The following USH2A variants were observed in gnomAD, a reference collection of about 807,000 sequenced individuals.
USH2A encodes the protein Usher syndrome 2A (autosomal recessive, mild).
USH2A carries 443 observed loss-of-function variants against 538.9 expected under a neutral mutation model. That is an observed-to-expected ratio of 0.82 (90% confidence interval 0.76 to 0.89). USH2A has a LOEUF of 0.89. USH2A is among the 40% of genes least tolerant of loss of function. The probability of loss-of-function intolerance (pLI) is 0.00; values close to 1 mark genes in which losing one functional copy is unlikely to be tolerated. For synonymous variants in USH2A, 2,413 were observed against 2,273.5 expected (o/e 1.06, Z -1.75); for missense variants, 6,633 against 6,324.8 (o/e 1.05, Z -1.65).
intron 11 of USH2A, among the ~76,000 whole-genome samples, chr1:216,259,157 C>T (rs2036316767): frequency 6.6e-6 from 1 of 152,076 alleles, no homozygotes; most frequent in Non-Finnish European, 1.5e-5. Context: ...TTCTTACAAA[C>T]TCCAAAACAT....
chr1:215,889,800 A>G (rs1048987571), intron 40 of USH2A, among the ~76,000 whole-genome samples: 2 of 152,184 alleles, frequency 1.3e-5, no homozygotes, highest in African/African-American at 2.4e-5. Context: ...GGTGTTGTGG[A>G]ACAGCAAATA....
chr1:216,341,835 A>G (rs2038082398), intron 4 of USH2A, among the ~76,000 whole-genome samples: 1 of 152,202 alleles, frequency 6.6e-6, no homozygotes, highest in African/African-American at 2.4e-5. Flanking sequence ...CACCTTACAC[A>G]AAAATTGACT....
chr1:215,673,571 C>T (rs1200080975), intron 63 of USH2A, among the ~76,000 whole-genome samples: 2 of 152,146 alleles, frequency 1.3e-5, no homozygotes, highest in African/African-American at 4.8e-5. Flanking sequence ...TGGCACTGTC[C>T]TGAGAAACCA....
At chr1:215,825,507 T>C (rs1663127358) in intron 47 of USH2A, among the ~76,000 whole-genome samples, 2 of 152,222 alleles carry the variant, frequency 1.3e-5, no homozygotes. Context: ...ATTACTATTC[T>C]TTAACATTTC....
At chr1:216,141,081 G>A (rs1287751532) in intron 21 of USH2A, among the ~76,000 whole-genome samples, 2 of 152,134 alleles carry the variant, frequency 1.3e-5, no homozygotes, top group African/African-American at 2.4e-5. Context: ...TCAAATTACA[G>A]TTTTCATTCT....
intron 47 of USH2A, among the ~76,000 whole-genome samples, chr1:215,824,144 A>G (rs1303620650): frequency 6.6e-6 from 1 of 152,068 alleles, no homozygotes; most frequent in Non-Finnish European, 1.5e-5. Context: ...TCTTTGAATT[A>G]TTTTTAATTC....
At chr1:216,171,978 G>C (rs1042760844) in intron 21 of USH2A, among the ~76,000 whole-genome samples, 1 of 151,954 alleles carries the variant, frequency 6.6e-6, no homozygotes, top group Non-Finnish European at 1.5e-5. Context: ...GAAAAGAAAA[G>C]GAAGCAAAAA....
chr1:216,388,328 T>C (rs962675356), intron 3 of USH2A, among the ~76,000 whole-genome samples: 1 of 152,188 alleles, frequency 6.6e-6, no homozygotes, highest in African/African-American at 2.4e-5. Context: ...AAGCAATACT[T>C]AAGGATCTTC....
intron 47 of USH2A, among the ~76,000 whole-genome samples, chr1:215,834,585 C>T (rs1663421785): frequency 6.6e-6 from 1 of 152,130 alleles, no homozygotes; most frequent in Non-Finnish European, 1.5e-5. Context: ...GATGCTGCTT[C>T]ACATCCTGAT....
At chr1:215,855,194 G>A (rs1664129675) in intron 44 of USH2A, among the ~76,000 whole-genome samples, 1 of 152,084 alleles carries the variant, frequency 6.6e-6, no homozygotes, top group African/African-American at 2.4e-5. Flanking sequence ...AACTGTTGCT[G>A]TTTTCTGATG....
rs12039494 is a variant in USH2A at position 215,737,273 on chromosome 1, G to T, written c.11711+4102C>A. On this transcript the variant is annotated intron_variant, in intron 60 of 71. Coordinates refer to ENST00000307340, the MANE Select transcript of USH2A (RefSeq NM_206933.4). ...TAATGTTAATATATTAAAATTAATA[G>T]TGTTACTTCTATTAGTGAAAATTAC... Among the ~76,000 whole-genome samples, 564 of 152,014 alleles carry T rather than the reference G, an allele frequency of 3.7e-3. 4 individuals are homozygous for T. Among genetic ancestry groups the T allele is most frequent in the East Asian group, 0.024 (122 of 5,182 alleles).
intron 3 of USH2A, among the ~76,000 whole-genome samples, chr1:216,385,616 T>G (rs1389630041): frequency 6.6e-6 from 1 of 152,208 alleles, no homozygotes; most frequent in African/African-American, 2.4e-5. Flanking sequence ...CCAAGCTACC[T>G]CTAGCTTAAA....
Position 215,798,895 on chromosome 1 carries a change from T to C in USH2A, c.9958+12A>G, listed in dbSNP as rs1284209052. ...TCCTCCATCTACTGAAAGGTAGACC[T>C]GGGCCCCTTACCTGGAAGGCGATTG... is the stretch of plus-strand genomic sequence containing the variant. On this transcript the variant is annotated intron_variant, in intron 50 of 71. Transcript: ENST00000307340. 5 of 1,614,036 alleles carry C rather than the reference T, an allele frequency of 3.1e-6. No homozygotes were observed. The South Asian group carries it at 5.5e-5, about 18-fold the overall frequency.
chr1:216,210,172 T>C (rs1030389200), intron 15 of USH2A, among the ~76,000 whole-genome samples: 1 of 152,058 alleles, frequency 6.6e-6, no homozygotes, highest in Admixed American at 6.6e-5. Context: ...CTTTTTTTTT[T>C]TAAATCACAT....
chr1:216,211,689 A>G (rs1269587454), intron 15 of USH2A, among the ~76,000 whole-genome samples: 2 of 152,208 alleles, frequency 1.3e-5, no homozygotes, highest in Admixed American at 1.3e-4. Flanking sequence ...CTATATGCCT[A>G]TTTAGACATA....
chr1:215,880,806 T>G (rs1271676195), intron 41 of USH2A, among the ~76,000 whole-genome samples: 3 of 152,248 alleles, frequency 2.0e-5, no homozygotes, highest in Admixed American at 2.0e-4. Flanking sequence ...GGCAACACTT[T>G]AAACCATTAA....
chr1:216,060,178 C>CA (rs1241967384), intron 30 of USH2A, among the ~76,000 whole-genome samples: 4 of 152,186 alleles, frequency 2.6e-5, no homozygotes, highest in Admixed American at 2.0e-4. Context: ...GGTTCATAAA[C>CA]CTTCCAAAAA....
chr1:216,005,506 T>G (rs1668370882), intron 32 of USH2A, among the ~76,000 whole-genome samples: 1 of 152,164 alleles, frequency 6.6e-6, no homozygotes, highest in South Asian at 2.1e-4. Flanking sequence ...TCGCATAATT[T>G]TACTTGTTGT....
Position 215,888,450 on chromosome 1 carries a change from T to C in USH2A, c.8199A>G (p.Thr2733=), listed in dbSNP as rs749225398. The part of the protein sequence containing the change: ...RPAGVQPPVV[T]VLEPDAVQVT... ...CCTGGACTGCATCGGGTTCCAGCAC[T>C]GTCACCACAGGTGGCTGCACCCCAG... The change falls in exon 41 of 72, where the codon ACA becomes ACG. Residue 2733 remains threonine, a synonymous_variant. Coordinates refer to ENST00000307340, the MANE Select transcript of USH2A (RefSeq NM_206933.4). 9 of 1,613,546 alleles carry C rather than the reference T, an allele frequency of 5.6e-6. No homozygotes were observed. The highest frequency in any genetic ancestry group is 7.6e-6 in the Non-Finnish European group (9 of 1,180,002).
Sources: allele counts gnomAD v4.1 joint callset (sites outside exome capture counted in the v4.1 genomes callset), GRCh38; gene constraint gnomAD v4.1.1; transcripts MANE v1.5; gene names NCBI Gene and HGNC (gene_info 2026-07-23, HGNC 2026-07-21).